Variants in SGCZ observed in about 807,000 individuals in gnomAD.
SGCZ encodes the protein zeta-sarcoglycan.
Under a neutral mutation model 41.3 loss-of-function variants are expected in SGCZ, and 40 were observed. The ratio of observed to expected loss-of-function variants is 0.97; its 90% CI spans 0.75 to 1.26. The LOEUF is 1.26. Among genes scored for constraint, SGCZ ranks in the 50% most tolerant of loss-of-function variants. The pLI, the probability that SGCZ is intolerant of heterozygous loss-of-function variation, is 0.00. For synonymous variants in SGCZ, 206 were observed against 137.5 expected (o/e 1.50, Z -3.49); for missense variants, 552 against 369.8 (o/e 1.49, Z -4.04).
Position 14,935,016 on chromosome 8 carries a change from C to CAA in SGCZ, c.39+302567_39+302568dup, listed in dbSNP as rs35275361. 2.2e-3 allele frequency among the ~76,000 whole-genome samples: 219 copies of CAA among 98,190 alleles called. 2 individuals carry two copies. Among genetic ancestry groups the CAA allele is most frequent in the African/African-American group, 7.2e-3 (182 of 25,128 alleles). The allele number at this position is 98,190 out of a possible 152,430, so 64.4% of individuals were successfully genotyped here. A position where few individuals can be genotyped will look rare whatever the true frequency, so the allele number is the denominator to read the frequency against. The stretch of plus-strand genomic sequence containing the variant: ...AGCTTTTAAAAAGGAAGACAAAATG[C>CAA]AAAAAAAAAAAAAAACTTTTAAAGG... On this transcript the variant is annotated intron_variant, in intron 1 of 7. Transcript: ENST00000382080.
chr8:14,698,283 T>G (rs1033978759), intron 1 of SGCZ, among the ~76,000 whole-genome samples: 13 of 151,962 alleles, frequency 8.6e-5, no homozygotes, highest in Admixed American at 5.9e-4. Context: ...ATTCTTAATA[T>G]ACTGATCCCA....
intron 1 of SGCZ, among the ~76,000 whole-genome samples, chr8:14,692,499 G>A (rs553902020): frequency 6.6e-6 from 1 of 152,126 alleles, no homozygotes; most frequent in Admixed American, 6.5e-5. Context: ...AGTAATCTTG[G>A]TTTATATTTC....
intron 4 of SGCZ, among the ~76,000 whole-genome samples, chr8:14,231,286 A>T (rs1806563148): frequency 1.3e-5 from 2 of 151,048 alleles, no homozygotes; most frequent in South Asian, 4.2e-4. Context: ...AGAGAGAGAG[A>T]GTGTGTCTGT....
intron 1 of SGCZ, among the ~76,000 whole-genome samples, chr8:14,741,279 T>C (rs1253500645): frequency 6.6e-6 from 1 of 152,044 alleles, no homozygotes; most frequent in Non-Finnish European, 1.5e-5. Context: ...ATAATTGACA[T>C]CTACAAAAAT....
intron 3 of SGCZ, among the ~76,000 whole-genome samples, chr8:14,241,743 C>T (rs773843763): frequency 1.1e-4 from 17 of 152,148 alleles, no homozygotes; most frequent in East Asian, 1.9e-4. Flanking sequence ...AGAAAGGCAA[C>T]GAGACTGTTA....
intron 7 of SGCZ, among the ~76,000 whole-genome samples, chr8:14,100,052 G>A (rs569200692): frequency 5.2e-4 from 79 of 151,978 alleles, no homozygotes; most frequent in Non-Finnish European, 8.5e-4. Flanking sequence ...ATATTGTTTA[G>A]TAAATGATAA....
intron 2 of SGCZ, among the ~76,000 whole-genome samples, chr8:14,332,924 C>T (rs924429765): frequency 6.7e-6 from 1 of 148,698 alleles, no homozygotes; most frequent in African/African-American, 2.5e-5. Context: ...CATATATATA[C>T]ATATATATAC....
chr8:14,642,433 C>T (rs977564566), intron 1 of SGCZ, among the ~76,000 whole-genome samples: 2 of 151,426 alleles, frequency 1.3e-5, no homozygotes, highest in African/African-American at 2.4e-5. Context: ...GAAAGATTCT[C>T]TTCAAGTCAA....
At position 15,195,624 on chromosome 8, in the gene SGCZ, T is replaced by C. The variant is rs570842260; in HGVS notation, c.39+41961A>G. 2.6e-5 allele frequency among the ~76,000 whole-genome samples: 4 copies of C among 152,314 alleles called. No individual in the cohort carries two copies. The South Asian group carries it at 6.2e-4, about 24-fold the overall frequency. On this transcript the variant is annotated intron_variant, in intron 1 of 7. Coordinates refer to ENST00000382080, the MANE Select transcript of SGCZ (RefSeq NM_139167.4). ...CTGATTGGAGCTCAAATTCCATTAG[T>C]GTGCCACCCCAGTGAAATACTTCTA...
chr8:14,690,382 C>A (rs975060245), intron 1 of SGCZ: 4 of 152,034 alleles, frequency 2.6e-5, no homozygotes, highest in Non-Finnish European at 5.9e-5. Flanking sequence ...GCCAGGAGGT[C>A]TCAGGCTGAG....
intron 3 of SGCZ, among the ~76,000 whole-genome samples, chr8:14,249,370 G>A (rs1037068822): frequency 5.3e-5 from 8 of 151,956 alleles, no homozygotes; most frequent in African/African-American, 1.9e-4. Flanking sequence ...TACAGATCCT[G>A]GGGTTTCTCA....
At chr8:14,572,226 T>C (rs1025449503) in intron 1 of SGCZ, among the ~76,000 whole-genome samples, 2 of 152,184 alleles carry the variant, frequency 1.3e-5, no homozygotes, top group African/African-American at 2.4e-5. Context: ...TATCTTTTTT[T>C]ATATTTCCAA....
intron 1 of SGCZ, among the ~76,000 whole-genome samples, chr8:14,754,648 A>G (rs1799601315): frequency 6.6e-6 from 1 of 152,208 alleles, no homozygotes; most frequent in African/African-American, 2.4e-5. Context: ...CAGAATAAAT[A>G]ATGGTTACAT....
At chr8:14,376,859 A>G (rs1278267963) in intron 2 of SGCZ, among the ~76,000 whole-genome samples, 2 of 152,204 alleles carry the variant, frequency 1.3e-5, no homozygotes, top group African/African-American at 4.8e-5. Context: ...TATGTAATGC[A>G]ATGCCAGTTA....
At chr8:14,957,058 G>A (rs1481785862) in intron 1 of SGCZ, among the ~76,000 whole-genome samples, 3 of 152,044 alleles carry the variant, frequency 2.0e-5, no homozygotes, top group Non-Finnish European at 4.4e-5. Context: ...TGGTTAATTT[G>A]AAGTATAAGA....
At chr8:14,168,983 C>T (rs1804292742) in intron 4 of SGCZ, among the ~76,000 whole-genome samples, 1 of 152,070 alleles carries the variant, frequency 6.6e-6, no homozygotes, top group Non-Finnish European at 1.5e-5. Flanking sequence ...GATGAGGAAA[C>T]CAAGGCACTA....
chr8:14,429,072 G>A (rs1281379204), intron 2 of SGCZ, among the ~76,000 whole-genome samples: 2 of 152,176 alleles, frequency 1.3e-5, no homozygotes, highest in Non-Finnish European at 2.9e-5. Flanking sequence ...ACTTGGCACT[G>A]AAGAAACTTG....
intron 1 of SGCZ, among the ~76,000 whole-genome samples, chr8:14,847,103 AAAGAAGAAAGAAGAAG>A (rs1803143162): frequency 8.0e-6 from 1 of 124,956 alleles, no homozygotes; most frequent in Non-Finnish European, 1.7e-5. Context: ...AAGAAAGAAG[AAAGAAGAAAGAAGAAG>A]AAGAAGAAAG....
intron 3 of SGCZ, among the ~76,000 whole-genome samples, chr8:14,286,645 G>T (rs2116932787): frequency 6.6e-6 from 1 of 152,162 alleles, no homozygotes; most frequent in Admixed American, 6.5e-5. Flanking sequence ...TATTTTTAAT[G>T]AAAGCACTAA....
Sources: allele counts gnomAD v4.1 joint callset (sites outside exome capture counted in the v4.1 genomes callset), GRCh38; gene constraint gnomAD v4.1.1; transcripts MANE v1.5; gene names NCBI Gene and HGNC (gene_info 2026-07-23, HGNC 2026-07-21).